Variants in MAGI1 observed in about 807,000 individuals in gnomAD.
MAGI1 encodes membrane-associated guanylate kinase, WW and PDZ domain-containing protein 1.
Under a neutral mutation model 139.9 loss-of-function variants are expected in MAGI1, and 58 were observed. That is an observed-to-expected ratio of 0.41 (90% confidence interval 0.34 to 0.52). The LOEUF (loss-of-function observed/expected upper bound fraction) is 0.52, where lower values mean the gene tolerates loss of function less well. Among genes scored for constraint, MAGI1 ranks in the 20% least tolerant of loss-of-function variants. The pLI is 0.12. For missense variants in MAGI1, 1,874 were observed against 1,901.6 expected, an observed-to-expected ratio of 0.99 and a Z score of 0.27; for synonymous variants, 812 against 737.9, an observed-to-expected ratio of 1.10 and a Z score of -1.63.
chr3:65,402,294 G>C (rs1944960847), intron 12 of MAGI1, among the ~76,000 whole-genome samples: 1 of 152,172 alleles, frequency 6.6e-6, no homozygotes, highest in South Asian at 2.1e-4. Flanking sequence ...ATTGAATCCA[G>C]CTGGCTCTTC....
At chr3:65,654,336 A>C (rs1392373288) in intron 1 of MAGI1, among the ~76,000 whole-genome samples, 2 of 152,108 alleles carry the variant, frequency 1.3e-5, no homozygotes, top group African/African-American at 4.8e-5. Context: ...GTACACACGG[A>C]GATATACAAA....
intron 4 of MAGI1, among the ~76,000 whole-genome samples, chr3:65,474,612 TACACAC>T (rs60798256): frequency 6.0e-5 from 9 of 150,752 alleles, no homozygotes; most frequent in African/African-American, 1.7e-4. Context: ...CAAGCTTTTA[TACACAC>T]ACACACACAC....
intron 1 of MAGI1, among the ~76,000 whole-genome samples, chr3:65,867,484 T>A (rs893562056): frequency 6.6e-6 from 1 of 152,256 alleles, no homozygotes; most frequent in Admixed American, 6.5e-5. Flanking sequence ...CCTGTAATCC[T>A]AGCACTGTGG....
At chr3:65,467,732 G>C (rs567806443) in intron 5 of MAGI1, among the ~76,000 whole-genome samples, 2 of 152,076 alleles carry the variant, frequency 1.3e-5, no homozygotes, top group African/African-American at 4.8e-5. Context: ...AAAATTACTG[G>C]TACATTCTTT....
At chr3:65,402,969 G>A (rs1945032542) in intron 12 of MAGI1, among the ~76,000 whole-genome samples, 1 of 152,180 alleles carries the variant, frequency 6.6e-6, no homozygotes, top group Non-Finnish European at 1.5e-5. Flanking sequence ...GGAATCTGCA[G>A]TATTAACAAA....
chr3:65,499,044 A>G (rs1228638836), intron 2 of MAGI1: 1 of 979,452 alleles, frequency 1.0e-6, no homozygotes, highest in Non-Finnish European at 1.2e-6. Flanking sequence ...TCAAACAGAT[A>G]GAAGAAAACC....
At chr3:65,790,330 T>C (rs371128224) in intron 1 of MAGI1, among the ~76,000 whole-genome samples, 9 of 152,250 alleles carry the variant, frequency 5.9e-5, no homozygotes, top group East Asian at 5.8e-4. Context: ...GTTCACATAA[T>C]TGGGAAGGAA....
intron 1 of MAGI1, among the ~76,000 whole-genome samples, chr3:65,709,944 C>T (rs550130651): frequency 6.6e-6 from 1 of 152,306 alleles, no homozygotes; most frequent in South Asian, 2.1e-4. Flanking sequence ...ATGAGAAACA[C>T]TGCATCCCAA....
chr3:65,911,019 G>A (rs1020896701), intron 1 of MAGI1, among the ~76,000 whole-genome samples: 5 of 151,380 alleles, frequency 3.3e-5, no homozygotes, highest in Non-Finnish European at 5.9e-5. Flanking sequence ...CAGCACACCC[G>A]GCTAATTTTT....
At chr3:66,005,836 T>C (rs981619283) in intron 1 of MAGI1, among the ~76,000 whole-genome samples, 9 of 150,312 alleles carry the variant, frequency 6.0e-5, no homozygotes, top group African/African-American at 1.2e-4. Flanking sequence ...GATGGAATGA[T>C]GACAAATAAA....
At chr3:65,739,656 T>C (rs2035090800) in intron 1 of MAGI1, among the ~76,000 whole-genome samples, 1 of 152,144 alleles carries the variant, frequency 6.6e-6, no homozygotes, top group Admixed American at 6.5e-5. Flanking sequence ...TTGCAGGGTA[T>C]TAATTGACTT....
intron 2 of MAGI1, among the ~76,000 whole-genome samples, chr3:65,577,379 A>C (rs935578098): frequency 3.9e-5 from 6 of 152,240 alleles, no homozygotes; most frequent in African/African-American, 1.4e-4. Context: ...TGCAGGACTG[A>C]GCCATATCAA....
intron 1 of MAGI1, among the ~76,000 whole-genome samples, chr3:65,822,957 C>G (rs1236070281): frequency 6.6e-6 from 1 of 152,146 alleles, no homozygotes; most frequent in African/African-American, 2.4e-5. Flanking sequence ...CAGATCCAAA[C>G]CATATCACCA....
chr3:65,676,883 G>A (rs1327881180), intron 1 of MAGI1, among the ~76,000 whole-genome samples: 1 of 152,154 alleles, frequency 6.6e-6, no homozygotes. Context: ...ACATATCCCA[G>A]TTTGCTCCCC....
chr3:65,926,333 C>CTCTCTCTCTCTG (rs2062507951), intron 1 of MAGI1, among the ~76,000 whole-genome samples: 1 of 142,162 alleles, frequency 7.0e-6, no homozygotes, highest in Non-Finnish European at 1.5e-5. Flanking sequence ...TCTTTTCTCT[C>CTCTCTCTCTCTG]TCTCTCTCTC....
At chr3:65,571,520 TC>T (rs2080959573) in intron 2 of MAGI1, among the ~76,000 whole-genome samples, 1 of 152,104 alleles carries the variant, frequency 6.6e-6, no homozygotes, top group Admixed American at 6.6e-5. Flanking sequence ...ACTAAATGTA[TC>T]CTTTAAAAGC....
At chr3:65,787,641 G>C (rs1488345456) in intron 1 of MAGI1, among the ~76,000 whole-genome samples, 5 of 151,242 alleles carry the variant, frequency 3.3e-5, no homozygotes, top group Non-Finnish European at 7.4e-5. Flanking sequence ...AGGCCAGATG[G>C]ACAAATAAAT....
At chr3:65,822,201 A>C (rs1020828440) in intron 1 of MAGI1, among the ~76,000 whole-genome samples, 1 of 152,248 alleles carries the variant, frequency 6.6e-6, no homozygotes, top group African/African-American at 2.4e-5. Flanking sequence ...GAAATGAAAA[A>C]GGAATTTAAT....
intron 2 of MAGI1, among the ~76,000 whole-genome samples, chr3:65,575,750 G>A (rs567087394): frequency 6.6e-6 from 1 of 152,274 alleles, no homozygotes; most frequent in East Asian, 1.9e-4. Context: ...TTCTGCTAGT[G>A]AATGATGTAT....
Sources: allele counts gnomAD v4.1 joint callset (sites outside exome capture counted in the v4.1 genomes callset), GRCh38; gene constraint gnomAD v4.1.1; transcripts MANE v1.5; gene names NCBI Gene and HGNC (gene_info 2026-07-23, HGNC 2026-07-21).